The following GALNT17 variants were observed in gnomAD, a reference collection of about 807,000 sequenced individuals.
GALNT17 encodes the protein polypeptide N-acetylgalactosaminyltransferase 17.
GALNT17 carries 29 observed loss-of-function variants against 63.7 expected under a neutral mutation model. The ratio of observed to expected loss-of-function variants is 0.46; its 90% CI spans 0.34 to 0.62. GALNT17 has a LOEUF of 0.62. Among genes scored for constraint, GALNT17 ranks in the 20% least tolerant of loss-of-function variants. The probability of loss-of-function intolerance (pLI) is 0.01; values close to 1 mark genes in which losing one functional copy is unlikely to be tolerated. For synonymous variants in GALNT17, 305 were observed against 318.3 expected (o/e 0.96, Z 0.45); for missense variants, 603 against 799.6 (o/e 0.75, Z 2.97).
chr7:71,136,426 C>T (rs11762382), intron 1 of GALNT17, among the ~76,000 whole-genome samples: 33,428 of 152,026 alleles, frequency 0.22, 3,972 homozygotes, highest in African/African-American at 0.3. Flanking sequence ...TAAATCTTTC[C>T]CGTGGACTCC....
chr7:71,211,309 G>A (rs545325581), intron 1 of GALNT17, among the ~76,000 whole-genome samples: 5 of 152,260 alleles, frequency 3.3e-5, no homozygotes, highest in South Asian at 2.1e-4. Flanking sequence ...AGGGGTTTCC[G>A]CTTTTGCTTC....
At chr7:71,474,213 C>T (rs1193154163) in intron 5 of GALNT17, among the ~76,000 whole-genome samples, 1 of 152,156 alleles carries the variant, frequency 6.6e-6, no homozygotes, top group Non-Finnish European at 1.5e-5. Flanking sequence ...ATATAATGAG[C>T]TGTGAGGATG....
At chr7:71,391,765 G>A (rs1321351006) in intron 3 of GALNT17, among the ~76,000 whole-genome samples, 2 of 152,202 alleles carry the variant, frequency 1.3e-5, no homozygotes, top group African/African-American at 4.8e-5. Flanking sequence ...GGGATTACAG[G>A]TGTGAGTCAC....
At chr7:71,559,880 A>G (rs1208702047) in intron 5 of GALNT17, among the ~76,000 whole-genome samples, 1 of 135,024 alleles carries the variant, frequency 7.4e-6, no homozygotes, top group Non-Finnish European at 1.6e-5. Flanking sequence ...AAAGAAACAC[A>G]TTTTCAACAT....
chr7:71,260,486 T>C (rs773810756), intron 1 of GALNT17, among the ~76,000 whole-genome samples: 2 of 152,190 alleles, frequency 1.3e-5, no homozygotes, highest in Non-Finnish European at 2.9e-5. Context: ...GCCAAGGCAT[T>C]TGCTTTTAGG....
intron 6 of GALNT17, among the ~76,000 whole-genome samples, chr7:71,646,808 G>A (rs1463328801): frequency 6.7e-5 from 10 of 148,292 alleles, no homozygotes; most frequent in East Asian, 6.1e-4. Context: ...GTGCAGTGGT[G>A]CTATCTCAGC....
intron 1 of GALNT17, among the ~76,000 whole-genome samples, chr7:71,201,293 AC>A (rs1483550484): frequency 7.1e-6 from 1 of 140,964 alleles, no homozygotes; most frequent in Non-Finnish European, 1.5e-5. Flanking sequence ...TTAATACTAT[AC>A]ATGTGTGGAT....
At chr7:71,660,426 C>T (rs1332879671) in intron 6 of GALNT17, among the ~76,000 whole-genome samples, 7 of 152,180 alleles carry the variant, frequency 4.6e-5, no homozygotes, top group East Asian at 1.9e-4. Context: ...TTGGCATCAG[C>T]GACATGCCAG....
At chr7:71,446,054 A>G (rs112059262) in intron 5 of GALNT17, among the ~76,000 whole-genome samples, 34 of 152,328 alleles carry the variant, frequency 2.2e-4, no homozygotes, top group African/African-American at 7.5e-4. Flanking sequence ...ATCTTAAATT[A>G]TATGAGGAGG....
At chr7:71,602,589 A>G (rs1584082745) in intron 6 of GALNT17, among the ~76,000 whole-genome samples, 1 of 151,914 alleles carries the variant, frequency 6.6e-6, no homozygotes, top group Non-Finnish European at 1.5e-5. Context: ...TTGCTTCTGC[A>G]CCCTCTCTCT....
rs1791887871 is a variant in GALNT17, at chr7:71,335,700, T to C, written c.389T>C (p.Leu130Pro). The change falls in exon 2 of 11, where the codon CTG (leucine) becomes CCG (proline). Residue 130 changes from leucine (L) to proline (P), a missense_variant. Around this residue, in one of 3 missense-constraint regions of GALNT17, gnomAD observed 195 missense variants for 215.0 expected, o/e 0.91. Coordinates refer to ENST00000333538, the MANE Select transcript of GALNT17 (RefSeq NM_022479.3). Reference sequence around the variant, plus strand: ...TCATACCTCAGTGAAAAAATTTCACTGGACCGTTCCATTCCGGATTATCGT... The same window carrying C: ...TCATACCTCAGTGAAAAAATTTCACCGGACCGTTCCATTCCGGATTATCGT... ...YNSYLSEKIS[L>P]DRSIPDYRPT... 1.2e-6 allele frequency: 2 copies of C among 1,610,714 alleles called. No homozygotes were observed. The highest frequency in any genetic ancestry group is 1.7e-5 in the Admixed American group (1 of 59,344).
chr7:71,418,550 A>G (rs1424113582), intron 4 of GALNT17, among the ~76,000 whole-genome samples: 1 of 152,180 alleles, frequency 6.6e-6, no homozygotes, highest in Non-Finnish European at 1.5e-5. Flanking sequence ...GGCTCAGGGA[A>G]AAGAACAGTG....
chr7:71,201,287 T>C (rs1789166626), intron 1 of GALNT17, among the ~76,000 whole-genome samples: 1 of 144,824 alleles, frequency 6.9e-6, no homozygotes, highest in Non-Finnish European at 1.5e-5. Flanking sequence ...TATGGCTTAA[T>C]ACTATACATG....
chr7:71,256,434 G>A (rs1031249581), intron 1 of GALNT17, among the ~76,000 whole-genome samples: 3 of 152,202 alleles, frequency 2.0e-5, no homozygotes, highest in African/African-American at 2.4e-5. Flanking sequence ...AGCTGGACAT[G>A]GTGGCACATG....
chr7:71,480,115 C>T (rs1050534767), intron 5 of GALNT17, among the ~76,000 whole-genome samples: 3 of 149,356 alleles, frequency 2.0e-5, no homozygotes, highest in Non-Finnish European at 3.0e-5. Flanking sequence ...GTAACAGTCA[C>T]GGGTCCACAG....
chr7:71,376,118 T>A (rs1185936582), intron 2 of GALNT17, among the ~76,000 whole-genome samples: 2 of 151,906 alleles, frequency 1.3e-5, no homozygotes, highest in Non-Finnish European at 2.9e-5. Flanking sequence ...AGAATCTTAC[T>A]GGCCAAATTT....
chr7:71,572,519 A>AAAC (rs1562695994), intron 6 of GALNT17, among the ~76,000 whole-genome samples: 1 of 148,210 alleles, frequency 6.7e-6, no homozygotes, highest in Admixed American at 6.7e-5. Context: ...AAAAAAAAAA[A>AAAC]AAAAAAAAAA....
intron 8 of GALNT17, among the ~76,000 whole-genome samples, chr7:71,670,409 A>C (rs556100047): frequency 3.3e-5 from 5 of 152,092 alleles, no homozygotes; most frequent in Non-Finnish European, 5.9e-5. Context: ...GTAAATGGAG[A>C]TATTGAGCAG....
chr7:71,261,120 A>G (rs1790378312), intron 1 of GALNT17, among the ~76,000 whole-genome samples: 1 of 152,204 alleles, frequency 6.6e-6, no homozygotes, highest in South Asian at 2.1e-4. Context: ...CCGATGGATT[A>G]TATCAGAAAA....
Sources: allele counts gnomAD v4.1 joint callset (sites outside exome capture counted in the v4.1 genomes callset), GRCh38; gene constraint gnomAD v4.1.1; regional missense constraint gnomAD v4.1.1; transcripts MANE v1.5; gene names NCBI Gene and HGNC (gene_info 2026-07-23, HGNC 2026-07-21).